SPICE1: variants seen among roughly 807,000 people sequenced by gnomAD.
The protein encoded by SPICE1 is spindle and centriole associated protein 1.
In SPICE1, 75 loss-of-function variants were observed where a neutral mutation model predicts 102.7. The ratio of observed to expected loss-of-function variants is 0.73; its 90% CI spans 0.61 to 0.88. The LOEUF is 0.88. SPICE1 is among the 40% of genes least tolerant of loss of function. The probability of loss-of-function intolerance (pLI) is 0.00; values close to 1 mark genes in which losing one functional copy is unlikely to be tolerated. For missense variants in SPICE1, 979 were observed against 1,020.1 expected (o/e 0.96, Z 0.55); for synonymous variants, 308 against 350.3 (o/e 0.88, Z 1.35).
chr3:113,495,713 C>A (rs1936867520), intron 4 of SPICE1, among the ~76,000 whole-genome samples: 1 of 152,170 alleles, frequency 6.6e-6, no homozygotes. Context: ...CTTGCAAGTA[C>A]AAGGAATTAT....
intron 7 of SPICE1, among the ~76,000 whole-genome samples, chr3:113,473,586 T>C (rs1162673899): frequency 6.6e-6 from 1 of 152,158 alleles, no homozygotes; most frequent in East Asian, 1.9e-4. Flanking sequence ...ACAGCGGATC[T>C]CTCGGCAGAA....
chr3:113,452,887 A>G (rs1303474000), intron 14 of SPICE1, among the ~76,000 whole-genome samples: 133 of 152,326 alleles, frequency 8.7e-4, no homozygotes, highest in Non-Finnish European at 1.2e-4. Context: ...CTGAGGCAGG[A>G]GAATCACTTG....
chr3:113,514,032 C>G (rs12632492), intron 1 of SPICE1, among the ~76,000 whole-genome samples: 27,556 of 152,150 alleles, frequency 0.18, 3,268 homozygotes, highest in East Asian at 0.43. Context: ...CTCTGTAATA[C>G]CCCCAAAAAT....
chr3:113,482,167 T>C (rs1260834626), intron 7 of SPICE1, among the ~76,000 whole-genome samples: 5 of 152,256 alleles, frequency 3.3e-5, no homozygotes, highest in Non-Finnish European at 5.9e-5. Flanking sequence ...TGACCAGTGA[T>C]GATGAGCTTT....
intron 12 of SPICE1, chr3:113,459,507 A>G (rs1935875873): frequency 2.0e-6 from 2 of 984,078 alleles, no homozygotes; most frequent in African/African-American, 3.5e-5. Context: ...CTTCTTACCT[A>G]TAGGATAATT....
intron 7 of SPICE1, among the ~76,000 whole-genome samples, chr3:113,488,471 G>A (rs545540086): frequency 5.6e-4 from 85 of 152,268 alleles, no homozygotes; most frequent in Non-Finnish European, 1.0e-3. Context: ...TGGAGCTGGA[G>A]ACCATTATTC....
intron 3 of SPICE1, 133 bp from the exon 4 acceptor site, chr3:113,499,715 T>C: frequency 1.2e-6 from 1 of 868,128 alleles, no homozygotes; most frequent in Non-Finnish European, 1.6e-6. Context: ...TGTTTATATA[T>C]ATTCATAGCC....
intron 1 of SPICE1, chr3:113,514,616 C>T (rs746240233): frequency 2.1e-6 from 1 of 478,544 alleles, no homozygotes. Flanking sequence ...GGCTCACTCT[C>T]TTCTCTACTG....
intron 15 of SPICE1, among the ~76,000 whole-genome samples, 157 bp from the exon 16 acceptor site, chr3:113,448,297 T>C (rs1318908377): frequency 6.6e-6 from 1 of 152,072 alleles, no homozygotes; most frequent in Non-Finnish European, 1.5e-5. Context: ...CTTTTTTTTT[T>C]TTTTACTGAA....
In SPICE1 at chr3:113,488,778, C is replaced by A. The variant is rs1180546426; in HGVS notation, c.611+167G>T. Among the ~76,000 whole-genome samples, 5 of 152,078 alleles carry A rather than the reference C, an allele frequency of 3.3e-5. No homozygotes were observed. The East Asian group carries it at 9.6e-4, about 29-fold the overall frequency. ...TTGATGAATCTGAGTAAAGAGTATA[C>A]AAGAGCTTTTTATATTATCCCTGCA... is the stretch of plus-strand genomic sequence containing the variant. On this transcript the variant is annotated intron_variant, in intron 7 of 17. Transcript: ENST00000295872.
At chr3:113,492,002 C>T (rs1463380758) in intron 6 of SPICE1, among the ~76,000 whole-genome samples, 1 of 152,136 alleles carries the variant, frequency 6.6e-6, no homozygotes, top group Non-Finnish European at 1.5e-5. Flanking sequence ...TGAAAAAGTA[C>T]TTAAAGTATG....
intron 7 of SPICE1, among the ~76,000 whole-genome samples, chr3:113,482,087 C>T (rs529195587): frequency 6.6e-6 from 1 of 152,192 alleles, no homozygotes; most frequent in Non-Finnish European, 1.5e-5. Flanking sequence ...TATTTCCTGA[C>T]TTTTTAATGA....
At chr3:113,467,555 A>G (rs1936089478) in intron 10 of SPICE1, among the ~76,000 whole-genome samples, 1 of 152,260 alleles carries the variant, frequency 6.6e-6, no homozygotes, top group Non-Finnish European at 1.5e-5. Flanking sequence ...CGGCCTTCCA[A>G]AGGGCTGGGA....
intron 7 of SPICE1, among the ~76,000 whole-genome samples, chr3:113,477,703 G>T (rs999352542): frequency 1.3e-5 from 2 of 148,918 alleles, no homozygotes; most frequent in Admixed American, 6.8e-5. Context: ...ACCAAACACC[G>T]CATGTTCTCA....
At chr3:113,481,214 G>C (rs1403922266) in intron 7 of SPICE1, among the ~76,000 whole-genome samples, 1 of 152,010 alleles carries the variant, frequency 6.6e-6, no homozygotes, top group African/African-American at 2.4e-5. Flanking sequence ...GAATATCAAG[G>C]CAACACATGG....
intron 7 of SPICE1, among the ~76,000 whole-genome samples, chr3:113,478,128 C>T (rs1936405401): frequency 6.6e-6 from 1 of 151,604 alleles, no homozygotes; most frequent in Non-Finnish European, 1.5e-5. Flanking sequence ...TTTAAAAGAA[C>T]AGAGAAGAAA....
chr3:113,508,999 A>G (rs1937166031), intron 1 of SPICE1, among the ~76,000 whole-genome samples: 1 of 152,182 alleles, frequency 6.6e-6, no homozygotes, highest in Admixed American at 6.5e-5. Flanking sequence ...AAGGCCCCCT[A>G]TTGTTTGGTA....
chr3:113,500,443 G>A (rs552263533), intron 3 of SPICE1, among the ~76,000 whole-genome samples: 41 of 152,086 alleles, frequency 2.7e-4, no homozygotes, highest in African/African-American at 9.2e-4. Flanking sequence ...ATTTGAATAT[G>A]GGCTAGGTAT....
chr3:113,445,972 C>T (rs1935503135), intron 17 of SPICE1, among the ~76,000 whole-genome samples: 2 of 152,180 alleles, frequency 1.3e-5, no homozygotes, highest in African/African-American at 4.8e-5. Flanking sequence ...TCACAATTTA[C>T]CATAACCACT....
Sources: allele counts gnomAD v4.1 joint callset (sites outside exome capture counted in the v4.1 genomes callset), GRCh38; gene constraint gnomAD v4.1.1; transcripts MANE v1.5; gene names NCBI Gene and HGNC (gene_info 2026-07-23, HGNC 2026-07-21).